Variants in MAP3K13 observed in about 807,000 individuals in gnomAD.
MAP3K13 encodes leucine zipper-bearing kinase.
In MAP3K13, 52 loss-of-function variants were observed where a neutral mutation model predicts 104.0. That is an observed-to-expected ratio of 0.50 (90% CI 0.40 to 0.63). The LOEUF is 0.63. Among genes scored for constraint, MAP3K13 ranks in the 20% least tolerant of loss-of-function variants. The probability of loss-of-function intolerance (pLI) is 0.00; values close to 1 mark genes in which losing one functional copy is unlikely to be tolerated. For synonymous variants in MAP3K13, 394 were observed against 442.2 expected, an observed-to-expected ratio of 0.89 and a Z score of 1.37; for missense variants, 914 against 1,218.5, an observed-to-expected ratio of 0.75 and a Z score of 3.72.
intron 2 of MAP3K13, among the ~76,000 whole-genome samples, chr3:185,350,512 T>A (rs1460719880): frequency 6.6e-6 from 1 of 152,098 alleles, no homozygotes; most frequent in African/African-American, 2.4e-5. Context: ...ATGACCATTG[T>A]CACTTATATC....
chr3:185,323,561 G>A (rs1036622571), intron 2 of MAP3K13, among the ~76,000 whole-genome samples: 1 of 151,672 alleles, frequency 6.6e-6, no homozygotes, highest in Non-Finnish European at 1.5e-5. Flanking sequence ...TCGAACTCCC[G>A]ACCTCAGGTG....
chr3:185,340,520 C>A (rs1289650338), intron 2 of MAP3K13, among the ~76,000 whole-genome samples: 2 of 152,168 alleles, frequency 1.3e-5, no homozygotes, highest in African/African-American at 4.8e-5. Context: ...TGATGAGAAA[C>A]TTCCCTAAGA....
At chr3:185,388,862 C>T (rs1267320803) in intron 1 of MAP3K13, among the ~76,000 whole-genome samples, 1 of 152,058 alleles carries the variant, frequency 6.6e-6, no homozygotes, top group Non-Finnish European at 1.5e-5. Context: ...TAGAATAGAA[C>T]CAGAAATAAA....
intron 1 of MAP3K13, among the ~76,000 whole-genome samples, chr3:185,368,968 A>AAAC (rs1724026873): frequency 6.6e-6 from 1 of 151,822 alleles, no homozygotes; most frequent in South Asian, 2.1e-4. Flanking sequence ...TCAAAAAAAA[A>AAAC]AAAAACCAAG....
At chr3:185,316,023 G>A (rs1368226670) in intron 2 of MAP3K13, among the ~76,000 whole-genome samples, 3 of 152,124 alleles carry the variant, frequency 2.0e-5, no homozygotes, top group Non-Finnish European at 4.4e-5. Flanking sequence ...AGAGGGCAAA[G>A]TGCGTCTTGA....
chr3:185,375,609 T>C (rs985800864), intron 1 of MAP3K13, among the ~76,000 whole-genome samples: 91 of 152,126 alleles, frequency 6.0e-4, no homozygotes, highest in African/African-American at 2.1e-3. Flanking sequence ...AGGGAGTAGG[T>C]GGGAGTGGCC....
Position 185,456,454 on chromosome 3 carries a change from G to A in MAP3K13, c.1278+5059G>A, listed in dbSNP as rs917388000. ...ATCTGTTCAGATACATGTAGGTATCGGGGCACTGGATGAGAAATCTTTATC... is the reference window on the plus strand; with the variant it reads ...ATCTGTTCAGATACATGTAGGTATCAGGGCACTGGATGAGAAATCTTTATC... On this transcript the variant is annotated intron_variant, in intron 7 of 13. Coordinates refer to ENST00000265026, the MANE Select transcript of MAP3K13 (RefSeq NM_004721.5). Among the ~76,000 whole-genome samples the A allele has an allele frequency of 5.3e-5, 8 of 152,124 alleles. No individual in the cohort carries two copies. The South Asian group carries it at 8.3e-4, about 16-fold the overall frequency.
At chr3:185,448,598 AC>A (rs1249374571) in intron 5 of MAP3K13, among the ~76,000 whole-genome samples, 1 of 152,236 alleles carries the variant, frequency 6.6e-6, no homozygotes, top group Non-Finnish European at 1.5e-5. Context: ...TGCATGTAAT[AC>A]CAGAGCAAAT....
At position 185,421,975 on chromosome 3, in the gene MAP3K13, C is replaced by T. The variant is rs375496445; in HGVS notation, c.-85-6522C>T. ...CTATTTCTCTGCCTTTGTTGGGACC[C>T]GTTGGACTAGATATTCTTGGTGAGC... On this transcript the variant is annotated intron_variant, in intron 1 of 13. Transcript: ENST00000265026. 3.9e-5 allele frequency among the ~76,000 whole-genome samples: 6 copies of T among 152,256 alleles called. No homozygotes were observed. The East Asian group carries it at 9.6e-4, about 24-fold the overall frequency.
intron 2 of MAP3K13, chr3:185,329,185 C>T (rs527901619): frequency 1.4e-5 from 10 of 702,390 alleles, no homozygotes; most frequent in Non-Finnish European, 2.3e-5. Flanking sequence ...AAACAGGTCC[C>T]GTGTGCACGA....
In MAP3K13 at chr3:185,407,972, G is replaced by A. The variant is rs560657567; in HGVS notation, c.-85-20525G>A. ...GCTCACTGTAGCCTTGAACTCCTGCGCTCAAGTGATCCTCCCACCTCGGCC... is the reference window on the plus strand; with the variant it reads ...GCTCACTGTAGCCTTGAACTCCTGCACTCAAGTGATCCTCCCACCTCGGCC... On this transcript the variant is annotated intron_variant, in intron 1 of 13. Transcript: ENST00000265026. Among the ~76,000 whole-genome samples, 29 of 145,546 alleles carry A rather than the reference G, an allele frequency of 2.0e-4. 1 individual carries two copies. The Middle Eastern group carries it at 0.015, about 75-fold the overall frequency.
chr3:185,364,635 A>C (rs1723785558), intron 1 of MAP3K13, among the ~76,000 whole-genome samples: 2 of 152,174 alleles, frequency 1.3e-5, no homozygotes, highest in African/African-American at 4.8e-5. Context: ...ATCTAATTTC[A>C]AACTTATCAT....
In MAP3K13 at chr3:185,418,469, G is replaced by A; in HGVS notation, c.-85-10028G>A. The A allele has an allele frequency of 6.2e-7, 1 of 1,611,472 alleles. No homozygotes were observed. Among genetic ancestry groups the A allele is most frequent in the South Asian group, 1.1e-5 (1 of 90,974 alleles). ...TGCCAACGGCGCCAGGTTTTGGTTGGTGCAAACCTTCGGCCTCCACGACAC... is the reference window on the plus strand; with the variant it reads ...TGCCAACGGCGCCAGGTTTTGGTTGATGCAAACCTTCGGCCTCCACGACAC... On this transcript the variant is annotated intron_variant, in intron 1 of 13. Transcript: ENST00000265026. The surrounding 1 kb of genome is among the most constrained non-coding windows in gnomAD (Gnocchi z 4.5).
At chr3:185,330,695 G>C (rs1445094017) in intron 2 of MAP3K13, among the ~76,000 whole-genome samples, 2 of 152,124 alleles carry the variant, frequency 1.3e-5, no homozygotes, top group African/African-American at 2.4e-5. Context: ...GGCCATACAG[G>C]TGTGTACTAG....
chr3:185,381,773 A>G (rs1724732860), intron 1 of MAP3K13, among the ~76,000 whole-genome samples: 2 of 152,234 alleles, frequency 1.3e-5, no homozygotes, highest in African/African-American at 4.8e-5. Flanking sequence ...ATAATAATAA[A>G]TCAACAATAT....
intron 2 of MAP3K13, among the ~76,000 whole-genome samples, chr3:185,350,248 C>T (rs917543128): frequency 4.6e-5 from 7 of 152,234 alleles, no homozygotes; most frequent in East Asian, 1.9e-4. Context: ...TGCAGTGGCG[C>T]GATCTCGGCT....
At chr3:185,375,129 A>G (rs34333401) in intron 1 of MAP3K13, among the ~76,000 whole-genome samples, 38,339 of 152,034 alleles carry the variant, frequency 0.25, 4,965 homozygotes, top group Admixed American at 0.3. Flanking sequence ...GGACTGTATA[A>G]AGGTGGGAAG....
rs1359747701 is a variant in MAP3K13, at chr3:185,483,534, CGAG to C, written c.*1082_*1084del. 9 of 225,638 alleles carry C rather than the reference CGAG, an allele frequency of 4.0e-5. No homozygotes were observed. The highest frequency in any genetic ancestry group is 7.0e-5 in the Non-Finnish European group (8 of 113,498). The allele number at this position is 225,638 out of a possible 1,614,324, so 14.0% of individuals were successfully genotyped here. ...TTCTCAGGATCACTCAGTTCAGCTA[CGAG>C]GAGAAGATGGAACCACCCCTCTCTG... On this transcript the variant is annotated 3_prime_UTR_variant, in exon 14 of 14. Coordinates refer to ENST00000265026, the MANE Select transcript of MAP3K13 (RefSeq NM_004721.5).
At chr3:185,455,659 T>TC (rs1716600611) in intron 7 of MAP3K13, among the ~76,000 whole-genome samples, 3 of 21,646 alleles carry the variant, frequency 1.4e-4, no homozygotes, top group East Asian at 9.7e-4. Context: ...ATATATATGA[T>TC]ATATATATGA....
Sources: gnomAD v4.1 joint callset for allele counts (sites outside exome capture counted in the v4.1 genomes callset) on GRCh38, gnomAD v4.1.1 for gene constraint, Gnocchi (gnomAD v3.1) non-coding constraint, MANE v1.5 for transcripts, NCBI Gene and HGNC (gene_info 2026-07-23, HGNC 2026-07-21) for gene names.